Variants in MUC17 observed in about 807,000 individuals in gnomAD.
MUC17 encodes the protein mucin-17.
Under a neutral mutation model 170.3 loss-of-function variants are expected in MUC17, and 190 were observed. The ratio of observed to expected loss-of-function variants is 1.12; its 90% CI spans 0.99 to 1.26. MUC17 has a LOEUF of 1.26. Ranked by LOEUF, MUC17 falls within the 50% of genes most tolerant of loss-of-function variation. The pLI is 0.00. For missense variants in MUC17, 6,415 were observed against 5,530.0 expected (o/e 1.16, Z -5.08); for synonymous variants, 2,325 against 2,002.5 (o/e 1.16, Z -4.30).
chr7:101,041,542 G>A lies in MUC17; in HGVS notation c.10126G>A (p.Glu3376Lys). The A allele has an allele frequency of 6.2e-7, 1 of 1,601,586 alleles. No individual in the cohort carries two copies. Among genetic ancestry groups the A allele is most frequent in the Non-Finnish European group, 8.5e-7 (1 of 1,175,506 alleles). The change falls in exon 3 of 13, where the codon GAA becomes AAA. Residue 3376 changes from glutamate (E) to lysine (K), a missense_variant. By Grantham distance (56) the Glu-to-Lys change is moderately conservative (BLOSUM62 1). Transcript: ENST00000306151. ...CAGCACACCTGTCACCACTTCTACT[G>A]AAGCCAGTTTATCTCCTACAACTGC... ...DTSTPVTTSTEASLSPTTAEG... is the reference protein window; with the variant it reads ...DTSTPVTTSTKASLSPTTAEG...
chr7:101,020,535 T>C (rs1794054292), intron 1 of MUC17, among the ~76,000 whole-genome samples: 1 of 149,148 alleles, frequency 6.7e-6, no homozygotes, highest in Admixed American at 6.7e-5. Context: ...TGAAAAGAGC[T>C]CCCCCCCCGA....
chr7:101,030,764 C>T (rs926907198), intron 1 of MUC17, among the ~76,000 whole-genome samples: 1 of 152,244 alleles, frequency 6.6e-6, no homozygotes, highest in East Asian at 1.9e-4. Flanking sequence ...GAGACAGGGT[C>T]TCACTCTGTC....
At position 101,039,281 on chromosome 7, in the gene MUC17, G is replaced by A. The variant is rs371470717; in HGVS notation, c.7865G>A (p.Ser2622Asn). 12 of 1,612,302 alleles carry A rather than the reference G, an allele frequency of 7.4e-6. No individual in the cohort carries two copies. The highest frequency in any genetic ancestry group is 1.1e-5 in the South Asian group (1 of 90,970). Residue 2622 changes from serine to asparagine, a missense_variant, in exon 3 of 13, where the codon AGC becomes AAC. Transcript: ENST00000306151. ...TCTCCTACAACTGCAAAAGATACCA[G>A]CATGCCAATCTCAACTCCTAGTGAA... is the stretch of plus-strand genomic sequence containing the variant. ...SSSPTTAKDT[S>N]MPISTPSEVS...
Position 101,038,970 on chromosome 7 carries a change from AAGTAT to A in MUC17, c.7556_7560del (p.Ser2519ThrfsTer11), listed in dbSNP as rs1199340080. 2 of 1,614,032 alleles carry A rather than the reference AAGTAT, an allele frequency of 1.2e-6. No homozygotes were observed. Among genetic ancestry groups the A allele is most frequent in the Non-Finnish European group, 1.7e-6 (2 of 1,179,998 alleles). ...CTAGTGAAGGAAGTACTCTATTAAC[AAGTAT>A]ACCTGTCAGCACCACGCCAGTGGCC... On this transcript the variant is annotated frameshift_variant, in exon 3 of 13. Coordinates refer to ENST00000306151, the MANE Select transcript of MUC17 (RefSeq NM_001040105.2). LOFTEE classifies it high-confidence loss of function.
rs370178320 is a variant in MUC17, at chr7:101,041,376, A to C, written c.9960A>C (p.Ser3320=). The change falls in exon 3 of 13, where the codon TCA becomes TCC. Residue 3320 remains serine (S), a synonymous_variant. Transcript: ENST00000306151. ...TGACCACTTATTCTCAAGCCAGTTC[A>C]TCTCCTCCAATTGCTGACGGTACTA... ...TPVTTYSQAS[S]SPPIADGTSM... is the part of the protein sequence containing the mutation. 7 of 1,613,434 alleles carry C rather than the reference A, an allele frequency of 4.3e-6. No homozygotes were observed. In the African/African-American group the frequency reaches 9.4e-5, roughly 22 times the overall value.
In MUC17 at chr7:101,040,257, C is replaced by T. The variant is rs143102281; in HGVS notation, c.8841C>T (p.Thr2947=). ...CAGTGGCCGGTTCTGAGGCTAGCAC[C>T]CTTTCAACAACTCCTGTTGACACCA... ...TVPVAGSEAS[T]LSTTPVDTRT... The change falls in exon 3 of 13, where the codon ACC becomes ACT. Residue 2947 remains threonine, a synonymous_variant. Coordinates refer to ENST00000306151, the MANE Select transcript of MUC17 (RefSeq NM_001040105.2). 1 of 1,610,500 alleles carries T rather than the reference C, an allele frequency of 6.2e-7. No homozygotes were observed. Among genetic ancestry groups the T allele is most frequent in the African/African-American group, 1.3e-5 (1 of 74,696 alleles).
Position 101,037,226 on chromosome 7 carries a change from C to T in MUC17, c.5810C>T (p.Thr1937Ile). 3.7e-6 allele frequency: 6 copies of T among 1,611,520 alleles called. No homozygotes were observed. Among genetic ancestry groups the T allele is most frequent in the Non-Finnish European group, 5.1e-6 (6 of 1,178,530 alleles). The change falls in exon 3 of 13, where the codon ACA becomes ATA. Residue 1937 changes from threonine to isoleucine, a missense_variant. Transcript: ENST00000306151. ...PLTSIPVSTT[T>I]VASSEINTLS... is the part of the protein sequence containing the mutation. ...ACAAGTATACCTGTCAGCACCACAA[C>T]AGTGGCCAGTTCTGAAATCAACACC...
Position 101,056,284 on chromosome 7 carries a change from G to C in MUC17, c.13440+14G>C, listed in dbSNP as rs368524541. The C allele has an allele frequency of 6.2e-7, 1 of 1,613,200 alleles. No homozygotes were observed. The highest frequency in any genetic ancestry group is 1.3e-5 in the African/African-American group (1 of 74,892). On this transcript the variant is annotated intron_variant, in intron 12 of 12. Coordinates refer to ENST00000306151, the MANE Select transcript of MUC17 (RefSeq NM_001040105.2). ...CCTGAAACAAAGGTAAGAAGGGCCT[G>C]GATGGGATGCTGGCCTCCCCCAACC...
At chr7:101,026,144 C>G (rs1794175006) in intron 1 of MUC17, among the ~76,000 whole-genome samples, 1 of 152,236 alleles carries the variant, frequency 6.6e-6, no homozygotes, top group African/African-American at 2.4e-5. Flanking sequence ...TGACTCCACC[C>G]TCTTCCCACC....
chr7:101,045,083 C>T (rs1349536693), intron 3 of MUC17, among the ~76,000 whole-genome samples: 1 of 152,154 alleles, frequency 6.6e-6, no homozygotes, highest in Non-Finnish European at 1.5e-5. Context: ...TTATAATATC[C>T]TGTATATTTT....
In MUC17 at chr7:101,032,073, A is replaced by G. The variant is rs774025440; in HGVS notation, c.657A>G (p.Thr219=). Residue 219 remains threonine (T), a synonymous_variant, in exon 3 of 13, where the codon ACA becomes ACG. Coordinates refer to ENST00000306151, the MANE Select transcript of MUC17 (RefSeq NM_001040105.2). ...ACAGTGAAGGAAGCACTCCATTAAC[A>G]AGTATGCCTGCCAGCACCATGAAGG... ...STNSEGSTPL[T]SMPASTMKVA... is the part of the protein sequence containing the mutation. 127 of 1,614,070 alleles carry G rather than the reference A, an allele frequency of 7.9e-5. No homozygotes were observed. Among genetic ancestry groups the G allele is most frequent in the Middle Eastern group, 1.6e-4 (1 of 6,084 alleles).
At position 101,041,108 on chromosome 7, in the gene MUC17, A is replaced by C. The variant is rs527722590; in HGVS notation, c.9692A>C (p.Asn3231Thr). The change falls in exon 3 of 13, where the codon AAC becomes ACC. Residue 3231 changes from asparagine to threonine, a missense_variant. Coordinates refer to ENST00000306151, the MANE Select transcript of MUC17 (RefSeq NM_001040105.2). ...MTPLTSVPVS[N>T]TPVASSEASI... ...CCATTAACTAGTGTACCTGTCAGCA[A>C]CACGCCGGTGGCCAGTTCTGAGGCT... 3.7e-5 allele frequency: 60 copies of C among 1,609,478 alleles called. No homozygotes were observed. In the South Asian group the frequency reaches 4.0e-4, roughly 11 times the overall value.
Position 101,040,747 on chromosome 7 carries a change from C to T in MUC17, c.9331C>T (p.Pro3111Ser), listed in dbSNP as rs980324845. The change falls in exon 3 of 13, where the codon CCT becomes TCT. Residue 3111 changes from proline (P) to serine (S), a missense_variant. Coordinates refer to ENST00000306151, the MANE Select transcript of MUC17 (RefSeq NM_001040105.2). ...AGGAAGCACTCCATTAACAGGTGTG[C>T]CTGTCAGCACCACACCGGTGACCAG... ...SEGSTPLTGV[P>S]VSTTPVTSSA... is the part of the protein sequence containing the mutation. The T allele has an allele frequency of 8.1e-6, 13 of 1,612,002 alleles. No homozygotes were observed. The highest frequency in any genetic ancestry group is 1.7e-5 in the Admixed American group (1 of 59,638).
At chr7:101,047,022 A>G (rs1794854485) in intron 3 of MUC17, among the ~76,000 whole-genome samples, 1 of 151,734 alleles carries the variant, frequency 6.6e-6, no homozygotes. Context: ...CAGAGCTTGC[A>G]GTGAGCCGAG....
intron 1 of MUC17, among the ~76,000 whole-genome samples, chr7:101,027,479 G>A (rs993008580): frequency 2.6e-5 from 4 of 152,242 alleles, no homozygotes; most frequent in African/African-American, 7.2e-5. Context: ...GTCTTCCAGA[G>A]AATTTGTTCA....
Position 101,033,597 on chromosome 7 carries a change from C to A in MUC17, c.2181C>A (p.Ser727=), listed in dbSNP as rs71557219. 3.0e-4 allele frequency: 479 copies of A among 1,607,536 alleles called. 1 individual carries two copies. The African/African-American group carries it at 5.6e-3, about 19-fold the overall frequency. ...TGACCACTTCAACTGAAGCCAGTTC[C>A]TCTCCTACAACTGCTGATGGTGCCA... The part of the protein sequence containing the change: ...TPVTTSTEAS[S]SPTTADGASM... Residue 727 remains serine, a synonymous_variant, in exon 3 of 13, where the codon TCC becomes TCA. Transcript: ENST00000306151.
Position 101,020,540 on chromosome 7 carries a change from C to A in MUC17, c.82+323C>A, listed in dbSNP as rs568006239. ...CTGCTAGGATTGAAAAGAGCTCCCC[C>A]CCCGAGGCATGATCCCTGGCACAAG... On this transcript the variant is annotated intron_variant, in intron 1 of 12. Coordinates refer to ENST00000306151, the MANE Select transcript of MUC17 (RefSeq NM_001040105.2). Among the ~76,000 whole-genome samples the A allele has an allele frequency of 3.4e-4, 51 of 152,218 alleles. No individual in the cohort carries two copies. In the South Asian group the frequency reaches 7.7e-3, roughly 23 times the overall value.
rs1412337524 is a variant in MUC17, at chr7:101,038,307, C to T, written c.6891C>T (p.Ser2297=). Reference sequence around the variant, plus strand: ...CGCTGGTGGCCAATTCTGAGGTTAGCACCCTTTCAACAACTCCTGTTGACT... The same window carrying T: ...CGCTGGTGGCCAATTCTGAGGTTAGTACCCTTTCAACAACTCCTGTTGACT... ...SHTLVANSEV[S]TLSTTPVDSN... is the part of the protein sequence containing the mutation. The change falls in exon 3 of 13, where the codon AGC becomes AGT. Residue 2297 remains serine, a synonymous_variant. Transcript: ENST00000306151. 1.2e-6 allele frequency: 2 copies of T among 1,613,470 alleles called. No homozygotes were observed. Among genetic ancestry groups the T allele is most frequent in the South Asian group, 2.2e-5 (2 of 90,998 alleles).
At chr7:101,026,041 G>C (rs1479769553) in intron 1 of MUC17, among the ~76,000 whole-genome samples, 1 of 152,184 alleles carries the variant, frequency 6.6e-6, no homozygotes, top group East Asian at 1.9e-4. Flanking sequence ...TGCTGTGTGT[G>C]GTGGACTCAC....
Sources: gnomAD v4.1 joint callset for allele counts (sites outside exome capture counted in the v4.1 genomes callset) on GRCh38, gnomAD v4.1.1 for gene constraint, MANE v1.5 for transcripts, NCBI Gene and HGNC (gene_info 2026-07-23, HGNC 2026-07-21) for gene names.